The following DNAJC24 variants were observed in gnomAD, a reference collection of about 807,000 sequenced individuals.
DNAJC24 encodes the protein dnaJ homolog subfamily C member 24.
In DNAJC24, 17 loss-of-function variants were observed where a neutral mutation model predicts 18.0. That is an observed-to-expected ratio of 0.94 (90% CI 0.65 to 1.42). The LOEUF (loss-of-function observed/expected upper bound fraction) is 1.42, where lower values mean the gene tolerates loss of function less well. Ranked by LOEUF, DNAJC24 falls within the 40% of genes most tolerant of loss-of-function variation. The pLI is 0.00. For synonymous variants in DNAJC24, 55 were observed against 57.7 expected (o/e 0.95, Z 0.21); for missense variants, 158 against 175.6 (o/e 0.90, Z 0.57).
At chr11:31,389,055 G>C (rs537546732) in intron 2 of DNAJC24, among the ~76,000 whole-genome samples, 6 of 151,878 alleles carry the variant, frequency 4.0e-5, no homozygotes, top group Non-Finnish European at 7.4e-5. Context: ...TACCACCGGA[G>C]AAAATCACCT....
chr11:31,398,638 C>A (rs183094237), intron 2 of DNAJC24, among the ~76,000 whole-genome samples: 1 of 152,082 alleles, frequency 6.6e-6, no homozygotes. Context: ...TTTTTCCCAT[C>A]TCAGGGGTAA....
At chr11:31,391,333 G>A in intron 2 of DNAJC24, among the ~76,000 whole-genome samples, 1 of 152,132 alleles carries the variant, frequency 6.6e-6, no homozygotes, top group East Asian at 1.9e-4. Flanking sequence ...ATTAAGCATA[G>A]TACTGGAAGT....
chr11:31,418,476 G>A (rs1423051262), intron 3 of DNAJC24, among the ~76,000 whole-genome samples: 1 of 152,058 alleles, frequency 6.6e-6, no homozygotes, highest in Non-Finnish European at 1.5e-5. Flanking sequence ...GATCTCTGAT[G>A]TCTTAGTGGC....
chr11:31,404,265 C>T (rs1952632554), intron 2 of DNAJC24, among the ~76,000 whole-genome samples: 1 of 152,186 alleles, frequency 6.6e-6, no homozygotes, highest in African/African-American at 2.4e-5. Context: ...CCCAGTAGGT[C>T]TTAGTCCCAT....
chr11:31,407,273 T>C (rs1952665227), intron 2 of DNAJC24, among the ~76,000 whole-genome samples: 1 of 152,174 alleles, frequency 6.6e-6, no homozygotes, highest in Admixed American at 6.5e-5. Flanking sequence ...ATGTATAGTT[T>C]ATATTTTATG....
At chr11:31,383,597 T>A (rs1255526901) in intron 2 of DNAJC24, among the ~76,000 whole-genome samples, 1 of 152,242 alleles carries the variant, frequency 6.6e-6, no homozygotes, top group Non-Finnish European at 1.5e-5. Context: ...CTGTTCTTAC[T>A]TTGTAAGTGT....
chr11:31,401,420 TTCC>T (rs903760135), intron 2 of DNAJC24, among the ~76,000 whole-genome samples: 1 of 152,066 alleles, frequency 6.6e-6, no homozygotes, highest in African/African-American at 2.4e-5. Flanking sequence ...CCTCTCTTTC[TTCC>T]TCCTCCTCTT....
At chr11:31,416,287 T>C (rs1402422451) in intron 3 of DNAJC24, 3 of 152,172 alleles carry the variant, frequency 2.0e-5, no homozygotes, top group Non-Finnish European at 4.4e-5. Flanking sequence ...TTTTTAAACA[T>C]GTTTGTACTT....
intron 2 of DNAJC24, among the ~76,000 whole-genome samples, chr11:31,391,769 G>A (rs917704244): frequency 6.6e-6 from 1 of 152,086 alleles, no homozygotes; most frequent in Non-Finnish European, 1.5e-5. Context: ...TCCAGAAAAA[G>A]GAAATTAGTA....
chr11:31,378,590 C>T lies in DNAJC24; in HGVS notation c.111+7731C>T, dbSNP rs924600333. 3.3e-5 allele frequency among the ~76,000 whole-genome samples: 5 copies of T among 151,842 alleles called. 1 individual carries two copies. In the Middle Eastern group the frequency reaches 0.014, roughly 413 times the overall value. On this transcript the variant is annotated intron_variant, in intron 2 of 4. Coordinates refer to ENST00000465995, the MANE Select transcript of DNAJC24 (RefSeq NM_181706.5). The stretch of plus-strand genomic sequence containing the variant: ...ACTGACTAGCAGCAAGAAATTATGA[C>T]ACACTTTACATATACTTTGAAAACT...
At position 31,370,704 on chromosome 11, in the gene DNAJC24, A is replaced by G. The variant is rs1350303585; in HGVS notation, c.-33-12A>G. ...CAAACTGTGATGAATTGTCATTAAT[A>G]TTTCTATTCAGCTAATCTGAGAAGG... On this transcript the variant is annotated splice_polypyrimidine_tract_variant and intron_variant, in intron 1 of 4. Coordinates refer to ENST00000465995, the MANE Select transcript of DNAJC24 (RefSeq NM_181706.5). 3 of 1,312,428 alleles carry G rather than the reference A, an allele frequency of 2.3e-6. No individual in the cohort carries two copies. The highest frequency in any genetic ancestry group is 3.2e-6 in the Non-Finnish European group (3 of 936,556). 81.3% of individuals were successfully genotyped at this position (1,312,428 alleles called of 1,614,324 possible).
chr11:31,432,468 G>A lies in DNAJC24; in HGVS notation c.*2067G>A, dbSNP rs766788027. The A allele has an allele frequency of 4.9e-6, 7 of 1,439,716 alleles. No homozygotes were observed. The highest frequency in any genetic ancestry group is 2.8e-5 in the African/African-American group (2 of 71,324). 89.2% of individuals were successfully genotyped at this position (1,439,716 alleles called of 1,614,324 possible). On this transcript the variant is annotated 3_prime_UTR_variant, in exon 5 of 5. Coordinates refer to ENST00000465995, the MANE Select transcript of DNAJC24 (RefSeq NM_181706.5). ...GAGTAATAAATTCACATGAAAAGGA[G>A]ACAATAATCAAGTCAAAAGAATAAA...
chr11:31,408,144 A>G (rs775744338), intron 2 of DNAJC24: 88 of 456,052 alleles, frequency 1.9e-4, no homozygotes, highest in Middle Eastern at 3.2e-4. Flanking sequence ...TTTGGTGTAC[A>G]TACTTGGAAG....
intron 2 of DNAJC24, among the ~76,000 whole-genome samples, chr11:31,399,547 G>A (rs1309531007): frequency 3.3e-5 from 5 of 151,440 alleles, no homozygotes; most frequent in African/African-American, 1.2e-4. Flanking sequence ...CTGAGTAGCT[G>A]GGAGTACAGG....
At chr11:31,403,271 A>T (rs1380664369) in intron 2 of DNAJC24, among the ~76,000 whole-genome samples, 1 of 152,078 alleles carries the variant, frequency 6.6e-6, no homozygotes, top group Non-Finnish European at 1.5e-5. Context: ...TTACATCAAG[A>T]TTTGTAGTGA....
intron 2 of DNAJC24, among the ~76,000 whole-genome samples, chr11:31,407,700 A>T (rs373646702): frequency 0.013 from 1,368 of 103,164 alleles, 12 homozygotes; most frequent in African/African-American, 0.038. Flanking sequence ...AAAAAAAAAA[A>T]AAAAAAATAT....
chr11:31,405,194 C>T (rs745429174), intron 2 of DNAJC24, among the ~76,000 whole-genome samples: 13 of 151,312 alleles, frequency 8.6e-5, no homozygotes, highest in Middle Eastern at 6.8e-3. Context: ...CTCAGCCTCC[C>T]GAGTAGCTGA....
At chr11:31,384,334 C>CT (rs1952407124) in intron 2 of DNAJC24, among the ~76,000 whole-genome samples, 1 of 152,174 alleles carries the variant, frequency 6.6e-6, no homozygotes, top group Non-Finnish European at 1.5e-5. Flanking sequence ...TATCTTTACT[C>CT]TAATTGCTTA....
chr11:31,413,924 G>A (rs1036222158), intron 2 of DNAJC24, among the ~76,000 whole-genome samples: 1 of 152,008 alleles, frequency 6.6e-6, no homozygotes, highest in Non-Finnish European at 1.5e-5. Flanking sequence ...GATCCTTTCA[G>A]AACTGTTAGA....
Sources: gnomAD v4.1 joint callset for allele counts (sites outside exome capture counted in the v4.1 genomes callset) on GRCh38, gnomAD v4.1.1 for gene constraint, MANE v1.5 for transcripts, NCBI Gene and HGNC (gene_info 2026-07-23, HGNC 2026-07-21) for gene names.